COMMD1: variants seen among roughly 807,000 people sequenced by gnomAD.
COMMD1 encodes the protein COMM domain-containing protein 1.
A neutral mutation model predicts 17.2 loss-of-function variants in COMMD1; 10 were observed. The observed-to-expected ratio is 0.58, with a 90% CI of 0.36 to 0.99. The LOEUF (loss-of-function observed/expected upper bound fraction) is 0.99, where lower values mean the gene tolerates loss of function less well. Among genes scored for constraint, COMMD1 ranks in the 50% least tolerant of loss-of-function variants. The pLI is 0.01. For synonymous variants in COMMD1, 97 were observed against 91.6 expected, an observed-to-expected ratio of 1.06 and a Z score of -0.34; for missense variants, 270 against 231.8, an observed-to-expected ratio of 1.17 and a Z score of -1.07.
intron 1 of COMMD1, among the ~76,000 whole-genome samples, chr2:61,975,167 TCCTC>T (rs1671767817): frequency 6.7e-6 from 1 of 149,916 alleles, no homozygotes; most frequent in Non-Finnish European, 1.5e-5. Context: ...ACTCTAATTT[TCCTC>T]TTTGGGAACT....
At chr2:61,921,036 G>C (rs1256873117) in intron 1 of COMMD1, among the ~76,000 whole-genome samples, 2 of 150,032 alleles carry the variant, frequency 1.3e-5, no homozygotes, top group African/African-American at 4.9e-5. Flanking sequence ...GGAGTACAGA[G>C]GTGGGATCTC....
intron 2 of COMMD1, among the ~76,000 whole-genome samples, chr2:62,029,234 G>GT (rs1669849438): frequency 6.6e-6 from 1 of 152,040 alleles, no homozygotes; most frequent in Non-Finnish European, 1.5e-5. Context: ...TTTGGGCACA[G>GT]TTACCAATTG....
At chr2:62,131,849 T>C (rs1558612636) in intron 2 of COMMD1, among the ~76,000 whole-genome samples, 1 of 150,770 alleles carries the variant, frequency 6.6e-6, no homozygotes, top group Non-Finnish European at 1.5e-5. Flanking sequence ...AGCCCACATC[T>C]GCATTTCTAA....
intron 1 of COMMD1, among the ~76,000 whole-genome samples, chr2:61,958,269 CTTT>C (rs542798625): frequency 5.0e-5 from 7 of 141,224 alleles, no homozygotes; most frequent in Admixed American, 7.1e-5. Context: ...TCTTTCTTTC[CTTT>C]TTTTTTTTTT....
chr2:61,931,339 G>A (rs1452390898), intron 1 of COMMD1, among the ~76,000 whole-genome samples: 1 of 151,960 alleles, frequency 6.6e-6, no homozygotes, highest in Non-Finnish European at 1.5e-5. Flanking sequence ...TAAAATAAGG[G>A]AGGGTAATGG....
At chr2:62,076,985 G>T (rs928719345) in intron 2 of COMMD1, among the ~76,000 whole-genome samples, 1 of 152,124 alleles carries the variant, frequency 6.6e-6, no homozygotes, top group Non-Finnish European at 1.5e-5. Context: ...TAAAAAATTA[G>T]CCTGGCATCG....
intron 1 of COMMD1, among the ~76,000 whole-genome samples, chr2:61,992,438 C>T (rs1362779552): frequency 6.6e-6 from 1 of 152,178 alleles, no homozygotes; most frequent in Non-Finnish European, 1.5e-5. Flanking sequence ...ATGTGAGACA[C>T]AGGTCTTTTT....
At chr2:62,104,138 C>T (rs1446037604) in intron 2 of COMMD1, among the ~76,000 whole-genome samples, 2 of 152,082 alleles carry the variant, frequency 1.3e-5, no homozygotes, top group Non-Finnish European at 2.9e-5. Context: ...ACTGCCCAGC[C>T]CATTAGAATT....
At chr2:62,061,748 G>T (rs963285603) in intron 2 of COMMD1, among the ~76,000 whole-genome samples, 1 of 151,368 alleles carries the variant, frequency 6.6e-6, no homozygotes, top group African/African-American at 2.4e-5. Flanking sequence ...GTAGACACAG[G>T]GTTTCACTGT....
intron 2 of COMMD1, among the ~76,000 whole-genome samples, chr2:62,018,374 A>G (rs1669512654): frequency 1.3e-5 from 2 of 152,252 alleles, no homozygotes; most frequent in South Asian, 4.1e-4. Flanking sequence ...AACTAAAAGT[A>G]GTACTTTGTT....
intron 1 of COMMD1, among the ~76,000 whole-genome samples, chr2:61,908,363 A>G (rs1415594113): frequency 6.0e-5 from 9 of 150,644 alleles, no homozygotes; most frequent in African/African-American, 1.7e-4. Context: ...AGTAGCTGGG[A>G]CTGCAGGCAT....
At chr2:61,932,859 C>T (rs905734666) in intron 1 of COMMD1, among the ~76,000 whole-genome samples, 1 of 152,188 alleles carries the variant, frequency 6.6e-6, no homozygotes, top group African/African-American at 2.4e-5. Context: ...AGCATCCAAG[C>T]GTGTTACAAC....
At chr2:62,085,707 T>C (rs1671644558) in intron 2 of COMMD1, among the ~76,000 whole-genome samples, 1 of 151,340 alleles carries the variant, frequency 6.6e-6, no homozygotes, top group Non-Finnish European at 1.5e-5. Flanking sequence ...AGGCTGGGCG[T>C]GGTGGCTCAC....
intron 1 of COMMD1, among the ~76,000 whole-genome samples, chr2:61,895,000 T>C (rs971013708): frequency 2.0e-5 from 3 of 152,164 alleles, no homozygotes; most frequent in African/African-American, 7.2e-5. Context: ...TCTAGAAGAA[T>C]ATATTTTTAA....
intron 2 of COMMD1, among the ~76,000 whole-genome samples, chr2:62,037,860 CA>C (rs1368628769): frequency 6.6e-6 from 1 of 152,178 alleles, no homozygotes; most frequent in African/African-American, 2.4e-5. Context: ...ACTTATGTTC[CA>C]GTTTTGGCTG....
At chr2:61,983,614 T>C (rs1255702795) in intron 1 of COMMD1, among the ~76,000 whole-genome samples, 1 of 152,244 alleles carries the variant, frequency 6.6e-6, no homozygotes, top group Non-Finnish European at 1.5e-5. Flanking sequence ...TCTTCTAGAT[T>C]GTCCAGTTTG....
Position 61,965,557 on chromosome 2 carries a change from T to C in COMMD1, c.181-35144T>C, listed in dbSNP as rs532302233. Among the ~76,000 whole-genome samples the C allele has an allele frequency of 2.0e-5, 3 of 152,340 alleles. No individual in the cohort carries two copies. In the East Asian group the frequency reaches 5.8e-4, roughly 29 times the overall value. On this transcript the variant is annotated intron_variant, in intron 1 of 2. Transcript: ENST00000311832. Reference sequence around the variant, plus strand: ...GGCTTTTTGGACACTTAGTAAAAATTCGGTGATCACGACCAACTCTTTCTA... The same window carrying C: ...GGCTTTTTGGACACTTAGTAAAAATCCGGTGATCACGACCAACTCTTTCTA...
chr2:62,092,153 A>G (rs957412331), intron 2 of COMMD1, among the ~76,000 whole-genome samples: 5 of 152,218 alleles, frequency 3.3e-5, no homozygotes, highest in African/African-American at 9.6e-5. Context: ...ATGAACAAGT[A>G]AAACAGTTTC....
intron 2 of COMMD1, among the ~76,000 whole-genome samples, chr2:62,120,824 G>A (rs927605233): frequency 2.0e-5 from 3 of 152,086 alleles, no homozygotes; most frequent in East Asian, 3.9e-4. Flanking sequence ...CTGTGCTCAA[G>A]CAGCCCTCCT....
Sources: gnomAD v4.1 joint callset for allele counts (sites outside exome capture counted in the v4.1 genomes callset) on GRCh38, gnomAD v4.1.1 for gene constraint, MANE v1.5 for transcripts, NCBI Gene and HGNC (gene_info 2026-07-23, HGNC 2026-07-21) for gene names.